Variants in FGD4 observed in about 807,000 individuals in gnomAD.
FGD4 encodes FYVE, RhoGEF and PH domain containing 4, also known as FYVE, RhoGEF and PH domain-containing protein 4.
FGD4 carries 42 observed loss-of-function variants against 102.0 expected under a neutral mutation model. The observed-to-expected ratio is 0.41, with a 90% CI of 0.32 to 0.53. The LOEUF is 0.53. FGD4 is among the 20% of genes least tolerant of loss of function. The pLI, the probability that FGD4 is intolerant of heterozygous loss-of-function variation, is 0.21. For synonymous variants in FGD4, 380 were observed against 375.7 expected (o/e 1.01, Z -0.13); for missense variants, 902 against 1,078.2 (o/e 0.84, Z 2.29).
At chr12:32,578,733 T>C (rs1277137033) in intron 3 of FGD4, among the ~76,000 whole-genome samples, 1 of 151,660 alleles carries the variant, frequency 6.6e-6, no homozygotes, top group Non-Finnish European at 1.5e-5. Flanking sequence ...GGGAGGCTGA[T>C]GTGAAAGGAT....
In FGD4 at chr12:32,640,486, G is replaced by C. The variant is rs763494514; in HGVS notation, c.2665G>C (p.Ala889Pro). The C allele has an allele frequency of 3.1e-6, 5 of 1,613,988 alleles. No individual in the cohort carries two copies. The highest frequency in any genetic ancestry group is 3.3e-5 in the Admixed American group (2 of 59,998). Residue 889 changes from alanine (A) to proline (P), a missense_variant, in exon 17 of 17, where the codon GCC becomes CCC. Ala to Pro is a conservative substitution (Grantham distance 27). Transcript: ENST00000534526. ...ACCAGGTGGTCCAAATGAGCATCCA[G>C]CCACCTTGGATGATCATCCTGAACC... Reference protein sequence around the residue: ...ETPGGPNEHPATLDDHPEPKK... With the variant: ...ETPGGPNEHPPTLDDHPEPKK...
intron 14 of FGD4, among the ~76,000 whole-genome samples, chr12:32,630,429 A>C (rs1950431186): frequency 6.6e-6 from 1 of 152,208 alleles, no homozygotes. Context: ...TAATCCCAGC[A>C]CTTTCGGAGG....
Position 32,530,963 on chromosome 12 carries a change from T to G in FGD4, c.167-33174T>G, listed in dbSNP as rs1371391433. The stretch of plus-strand genomic sequence containing the variant: ...TTGGTTTTTTTTTTTTTTTTTTTTT[T>G]TTTTTTTGAGACAGAGCCTTGCTCT... On this transcript the variant is annotated intron_variant, in intron 1 of 16. Coordinates refer to ENST00000534526, the MANE Select transcript of FGD4 (RefSeq NM_001370298.3). Among the ~76,000 whole-genome samples, 9 of 136,498 alleles carry G rather than the reference T, an allele frequency of 6.6e-5. No individual in the cohort carries two copies. In the South Asian group the frequency reaches 2.2e-3, roughly 34 times the overall value. The allele number at this position is 136,498 out of a possible 152,430, so 89.5% of individuals were successfully genotyped here.
intron 1 of FGD4, among the ~76,000 whole-genome samples, chr12:32,473,288 G>C (rs936223063): frequency 1.3e-5 from 2 of 151,886 alleles, no homozygotes; most frequent in African/African-American, 4.8e-5. Flanking sequence ...TTGTTCTTTT[G>C]CTCTTTGCAA....
chr12:32,448,721 C>T (rs1281229531), intron 1 of FGD4, among the ~76,000 whole-genome samples: 1 of 140,704 alleles, frequency 7.1e-6, no homozygotes, highest in Non-Finnish European at 1.6e-5. Context: ...GTGTGTTTAG[C>T]AGGGGGAAGG....
chr12:32,591,583 A>G (rs1481172201), intron 4 of FGD4, among the ~76,000 whole-genome samples: 1 of 152,214 alleles, frequency 6.6e-6, no homozygotes, highest in Non-Finnish European at 1.5e-5. Flanking sequence ...GATGGCACCA[A>G]GATTTTGAAG....
intron 1 of FGD4, among the ~76,000 whole-genome samples, chr12:32,406,808 TG>T (rs1940952242): frequency 6.6e-6 from 1 of 151,954 alleles, no homozygotes; most frequent in Admixed American, 6.6e-5. Flanking sequence ...TGTTTTTTTT[TG>T]TTTGTTTGCT....
intron 2 of FGD4, among the ~76,000 whole-genome samples, chr12:32,565,161 C>A (rs1945082369): frequency 6.6e-6 from 1 of 152,164 alleles, no homozygotes; most frequent in South Asian, 2.1e-4. Context: ...TATTCTAGAG[C>A]ATGCATTATA....
chr12:32,473,952 G>A (rs766625204), intron 1 of FGD4, among the ~76,000 whole-genome samples: 6 of 152,076 alleles, frequency 3.9e-5, no homozygotes, highest in African/African-American at 7.2e-5. Flanking sequence ...GCCGAGCATG[G>A]TGGTGGGCGC....
intron 8 of FGD4, 146 bp downstream of exon 8, chr12:32,608,241 A>T (rs902824671): frequency 1.7e-6 from 2 of 1,181,156 alleles, no homozygotes; most frequent in Non-Finnish European, 2.4e-6. Context: ...TGTTATCATC[A>T]CTTCAGTTAG....
intron 3 of FGD4, among the ~76,000 whole-genome samples, chr12:32,579,881 G>A (rs1294056232): frequency 6.6e-6 from 1 of 150,634 alleles, no homozygotes; most frequent in Non-Finnish European, 1.5e-5. Flanking sequence ...CTTTCTTGCT[G>A]TTTACTTTTA....
intron 11 of FGD4, among the ~76,000 whole-genome samples, chr12:32,622,069 G>A (rs541755812): frequency 2.6e-5 from 4 of 152,236 alleles, no homozygotes; most frequent in East Asian, 3.9e-4. Context: ...TGTATTTTTA[G>A]TGTAGATGGG....
intron 15 of FGD4, 89 bp downstream of exon 15, chr12:32,633,778 C>G (rs1273285877): frequency 5.0e-6 from 6 of 1,211,326 alleles, no homozygotes; most frequent in African/African-American, 1.5e-5. Context: ...TGCAGTGGCA[C>G]GATCTCAGCT....
chr12:32,593,106 G>C (rs887566850), intron 4 of FGD4, among the ~76,000 whole-genome samples: 7 of 152,124 alleles, frequency 4.6e-5, no homozygotes, highest in African/African-American at 1.7e-4. Flanking sequence ...AAGTAACCTG[G>C]CCTCTTTGAG....
At chr12:32,474,429 ACTC>A (rs1943531802) in intron 1 of FGD4, among the ~76,000 whole-genome samples, 1 of 152,170 alleles carries the variant, frequency 6.6e-6, no homozygotes, top group Non-Finnish European at 1.5e-5. Context: ...AGAATAAAGT[ACTC>A]CTACCTACAA....
At chr12:32,464,119 A>G (rs1275404160) in intron 1 of FGD4, among the ~76,000 whole-genome samples, 3 of 152,066 alleles carry the variant, frequency 2.0e-5, no homozygotes, top group Non-Finnish European at 4.4e-5. Flanking sequence ...GTGAAACGTT[A>G]TGTATGTACA....
At chr12:32,448,652 C>CCA (rs1942688799) in intron 1 of FGD4, among the ~76,000 whole-genome samples, 1 of 147,866 alleles carries the variant, frequency 6.8e-6, no homozygotes, top group Non-Finnish European at 1.5e-5. Flanking sequence ...TAATGAAACT[C>CCA]CATCGCAAAA....
intron 1 of FGD4, among the ~76,000 whole-genome samples, chr12:32,525,105 C>A (rs1941005183): frequency 6.6e-6 from 1 of 152,270 alleles, no homozygotes; most frequent in African/African-American, 2.4e-5. Context: ...CCCTATGCCT[C>A]CCCACCAGAG....
chr12:32,625,114 C>G (rs769375385), intron 13 of FGD4, 46 bp downstream of exon 13: 11 of 1,483,396 alleles, frequency 7.4e-6, no homozygotes, highest in Non-Finnish European at 1.0e-5. Context: ...CATATCTTTG[C>G]AGGTGTAGAA....
Sources: allele counts gnomAD v4.1 joint callset (sites outside exome capture counted in the v4.1 genomes callset), GRCh38; gene constraint gnomAD v4.1.1; transcripts MANE v1.5; gene names NCBI Gene and HGNC (gene_info 2026-07-23, HGNC 2026-07-21).